GCLC: variants seen among roughly 807,000 people sequenced by gnomAD.
The protein encoded by GCLC is glutamate--cysteine ligase catalytic subunit.
In GCLC, 30 loss-of-function variants were observed where a neutral mutation model predicts 81.5. That is an observed-to-expected ratio of 0.37 (90% CI 0.28 to 0.50). The LOEUF is 0.50. Among genes scored for constraint, GCLC ranks in the 20% least tolerant of loss-of-function variants. The probability of loss-of-function intolerance (pLI) is 0.96; values close to 1 mark genes in which losing one functional copy is unlikely to be tolerated. For synonymous variants in GCLC, 262 were observed against 273.3 expected, an observed-to-expected ratio of 0.96 and a Z score of 0.41; for missense variants, 556 against 777.4, an observed-to-expected ratio of 0.72 and a Z score of 3.39.
intron 6 of GCLC, among the ~76,000 whole-genome samples, chr6:53,512,051 C>A (rs751270217): frequency 2.0e-5 from 3 of 151,144 alleles, no homozygotes; most frequent in East Asian, 1.9e-4. Flanking sequence ...CAGGTTCAAG[C>A]GTTTCTCATG....
In GCLC at chr6:53,507,524, T is replaced by C; in HGVS notation, c.1040A>G (p.Asp347Gly). The change falls in exon 9 of 16, where the codon GAC becomes GGC. Residue 347 changes from aspartate (D) to glycine (G), a missense_variant. By Grantham distance (94) the Asp-to-Gly change is moderately conservative. Around this residue, in one of 3 missense-constraint regions of GCLC, gnomAD observed 313 missense variants for 437.3 expected, o/e 0.72. Transcript: ENST00000650454. The part of the protein sequence containing the change: ...SKCGEKYNDI[D>G]LTIDKEIYEQ... Reference sequence around the variant, plus strand: ...GTAGATCTCTTTATCTATCGTCAAGTCGATGTCATTATATTTCTCACCACA... The same window carrying C: ...GTAGATCTCTTTATCTATCGTCAAGCCGATGTCATTATATTTCTCACCACA... 1.9e-6 allele frequency: 3 copies of C among 1,607,392 alleles called. No homozygotes were observed. Among genetic ancestry groups the C allele is most frequent in the African/African-American group, 1.3e-5 (1 of 74,900 alleles).
chr6:53,500,121 A>C lies in GCLC; in HGVS notation c.1626T>G (p.Leu542=). 6.2e-7 allele frequency: 1 copy of C among 1,613,094 alleles called. No homozygotes were observed. Among genetic ancestry groups the C allele is most frequent in the African/African-American group, 1.3e-5 (1 of 75,028 alleles). ...TGTCCACATCCACTTCCATGTTTTC[A>C]AGGTAAGAGTTCAGAATTGGGATCA... ...PGLIPILNSY[L]ENMEVDVDTR... Residue 542 remains leucine (L), a synonymous_variant, in exon 15 of 16, where the codon CTT becomes CTG. Coordinates refer to ENST00000650454, the MANE Select transcript of GCLC (RefSeq NM_001498.4).
At chr6:53,543,676 CAA>C (rs942524262) in intron 1 of GCLC, among the ~76,000 whole-genome samples, 13 of 152,192 alleles carry the variant, frequency 8.5e-5, no homozygotes, top group Non-Finnish European at 1.8e-4. Context: ...AGGGAAGGCA[CAA>C]AAAGTTTTGG....
chr6:53,526,574 G>A (rs980730756), intron 1 of GCLC, among the ~76,000 whole-genome samples: 40 of 151,944 alleles, frequency 2.6e-4, no homozygotes, highest in African/African-American at 8.2e-4. Flanking sequence ...CGAGGCGGGC[G>A]GATCACAAGG....
intron 1 of GCLC, among the ~76,000 whole-genome samples, chr6:53,531,314 C>T (rs1447559502): frequency 6.6e-6 from 1 of 152,098 alleles, no homozygotes; most frequent in Non-Finnish European, 1.5e-5. Flanking sequence ...CAGAATATGT[C>T]ACTCATGGGA....
intron 12 of GCLC, among the ~76,000 whole-genome samples, chr6:53,502,544 C>T (rs1292373860): frequency 6.6e-6 from 1 of 152,254 alleles, no homozygotes; most frequent in Non-Finnish European, 1.5e-5. Flanking sequence ...GCTTTCACAT[C>T]ATCTTGGAAG....
At chr6:53,539,147 C>T (rs1249522631) in intron 1 of GCLC, among the ~76,000 whole-genome samples, 5 of 152,210 alleles carry the variant, frequency 3.3e-5, no homozygotes, top group Non-Finnish European at 5.9e-5. Flanking sequence ...ACAAACAAAA[C>T]CCATATCTGA....
intron 6 of GCLC, among the ~76,000 whole-genome samples, chr6:53,512,435 G>A (rs1764772422): frequency 6.7e-6 from 1 of 149,750 alleles, no homozygotes; most frequent in Admixed American, 6.7e-5. Flanking sequence ...ATACATAATA[G>A]ATGTACACAG....
rs539230056 is a variant in GCLC, at chr6:53,506,010, T to C, written c.1198-115A>G. The C allele has an allele frequency of 1.9e-5, 14 of 736,748 alleles. No individual in the cohort carries two copies. The highest frequency in any genetic ancestry group is 1.0e-4 in the African/African-American group (6 of 57,720). 45.6% of individuals were successfully genotyped at this position (736,748 alleles called of 1,614,324 possible). A position where few individuals can be genotyped will look rare whatever the true frequency, so the allele number is the denominator to read the frequency against. On this transcript the variant is annotated intron_variant, in intron 10 of 15. Coordinates refer to ENST00000650454, the MANE Select transcript of GCLC (RefSeq NM_001498.4). This position sits in a 1 kb window ranked among gnomAD's most constrained non-coding sequence, Gnocchi z 4.0. ...GCTCACTGTCCATACCAAATTTCAA[T>C]TGACAAAGACAAAAAGGTACAATTG...
rs368915431 is a variant in GCLC at position 53,544,679 on chromosome 6, G to T, written c.-34C>A. 8.6e-7 allele frequency: 1 copy of T among 1,157,502 alleles called. No individual in the cohort carries two copies. Among genetic ancestry groups the T allele is most frequent in the Non-Finnish European group, 1.2e-6 (1 of 865,918 alleles). The allele number at this position is 1,157,502 out of a possible 1,614,324, so 71.7% of individuals were successfully genotyped here. ...CCTCCTCCTCCTCCTCCTCCTCCGG[G>T]CTGACGGCGGTCGCCCGCTCCGGGC... On this transcript the variant is annotated 5_prime_UTR_variant, in exon 1 of 16. Coordinates refer to ENST00000650454, the MANE Select transcript of GCLC (RefSeq NM_001498.4).
intron 1 of GCLC, among the ~76,000 whole-genome samples, chr6:53,528,350 C>T (rs1763118208): frequency 6.6e-6 from 1 of 152,148 alleles, no homozygotes; most frequent in Non-Finnish European, 1.5e-5. Context: ...TGGTAATCTC[C>T]AAGCACTTTT....
chr6:53,500,441 T>C lies in GCLC; in HGVS notation c.1468A>G (p.Ile490Val). 2 of 1,610,146 alleles carry C rather than the reference T, an allele frequency of 1.2e-6. No homozygotes were observed. The highest frequency in any genetic ancestry group is 2.2e-5 in the South Asian group (2 of 91,002). The change falls in exon 13 of 16, where the codon ATT becomes GTT. Residue 490 changes from isoleucine to valine, a missense_variant. Around this residue, in one of 3 missense-constraint regions of GCLC, gnomAD observed 313 missense variants for 437.3 expected, o/e 0.72. Transcript: ENST00000650454. ...LQGMFYFRKDICKGGNAVVDG... is the reference protein window; with the variant it reads ...LQGMFYFRKDVCKGGNAVVDG... ...TAAGATAATGTAATACCTTTGCAAA[T>C]ATCTTTCCTGAAATAAAACATTCCC...
intron 1 of GCLC, among the ~76,000 whole-genome samples, chr6:53,541,644 G>A (rs1581752659): frequency 6.6e-6 from 1 of 152,102 alleles, no homozygotes; most frequent in African/African-American, 2.4e-5. Flanking sequence ...GGAACTTGTG[G>A]AAAACAAAAT....
At chr6:53,503,002 A>AT (rs1339248764) in intron 12 of GCLC, among the ~76,000 whole-genome samples, 5 of 152,234 alleles carry the variant, frequency 3.3e-5, no homozygotes, top group Non-Finnish European at 5.9e-5. Flanking sequence ...AGTATCTACC[A>AT]TTCATCTCCT....
chr6:53,544,528 G>C lies in GCLC; in HGVS notation c.118C>G (p.Arg40Gly), dbSNP rs769086054. 1.9e-6 allele frequency: 3 copies of C among 1,609,044 alleles called. No individual in the cohort carries two copies. Among genetic ancestry groups the C allele is most frequent in the South Asian group, 1.1e-5 (1 of 91,078 alleles). The change falls in exon 1 of 16, where the codon CGG becomes GGG. Residue 40 changes from arginine (R) to glycine (G), a missense_variant. Arg to Gly is a moderately radical substitution (Grantham distance 125, BLOSUM62 -2). This residue lies in a region of GCLC where 234 missense variants were observed against 303.8 expected (regional missense o/e 0.77). Coordinates refer to ENST00000650454, the MANE Select transcript of GCLC (RefSeq NM_001498.4). ...FLHIYHAVKD[R>G]HKDVLKWGDE... ...CCCCACTTGAGAACGTCCTTGTGCC[G>C]GTCCTTGACGGCGTGGTAGATGTGC...
At chr6:53,538,517 G>A (rs1763297621) in intron 1 of GCLC, among the ~76,000 whole-genome samples, 2 of 151,946 alleles carry the variant, frequency 1.3e-5, no homozygotes, top group African/African-American at 2.4e-5. Flanking sequence ...ATTTTTAGTA[G>A]AGACAAGGTT....
At chr6:53,541,754 T>G (rs1763359902) in intron 1 of GCLC, among the ~76,000 whole-genome samples, 1 of 152,226 alleles carries the variant, frequency 6.6e-6, no homozygotes, top group African/African-American at 2.4e-5. Flanking sequence ...GCTTTGTATT[T>G]AATTTATGAC....
intron 1 of GCLC, among the ~76,000 whole-genome samples, chr6:53,529,099 T>C (rs919894327): frequency 2.0e-5 from 3 of 152,218 alleles, no homozygotes; most frequent in African/African-American, 4.8e-5. Context: ...ATCAGTTTCC[T>C]ACTCCCTAAT....
intron 2 of GCLC, among the ~76,000 whole-genome samples, chr6:53,522,090 G>A (rs1345057811): frequency 6.6e-6 from 1 of 152,182 alleles, no homozygotes; most frequent in Non-Finnish European, 1.5e-5. Flanking sequence ...TCCCAAAAAT[G>A]TTTTAATAAA....
Sources: allele counts gnomAD v4.1 joint callset (sites outside exome capture counted in the v4.1 genomes callset), GRCh38; gene constraint gnomAD v4.1.1; regional missense constraint gnomAD v4.1.1; non-coding constraint Gnocchi (gnomAD v3.1); transcripts MANE v1.5; gene names NCBI Gene and HGNC (gene_info 2026-07-23, HGNC 2026-07-21).